Variants in SSBP2 observed in about 807,000 individuals in gnomAD.
SSBP2 encodes single-stranded DNA-binding protein 2.
SSBP2 carries 17 observed loss-of-function variants against 61.8 expected under a neutral mutation model. That is an observed-to-expected ratio of 0.28 (90% CI 0.19 to 0.41). The LOEUF is 0.41. Ranked by LOEUF, SSBP2 falls within the 10% of genes least tolerant of loss-of-function variation. The pLI is 1.00. For missense variants in SSBP2, 310 were observed against 458.7 expected, an observed-to-expected ratio of 0.68 and a Z score of 2.96; for synonymous variants, 139 against 141.3, an observed-to-expected ratio of 0.98 and a Z score of 0.12.
chr5:81,500,986 G>A (rs1767666024), intron 5 of SSBP2, among the ~76,000 whole-genome samples: 1 of 150,574 alleles, frequency 6.6e-6, no homozygotes, highest in Admixed American at 6.6e-5. Flanking sequence ...GGCAAAGGCA[G>A]GGAGATCACC....
rs1561590197 is a variant in SSBP2 at position 81,601,261 on chromosome 5, T to C, written c.282+14212A>G. Among the ~76,000 whole-genome samples the C allele has an allele frequency of 3.3e-5, 5 of 152,294 alleles. No homozygotes were observed. In the South Asian group the frequency reaches 1.0e-3, roughly 32 times the overall value. On this transcript the variant is annotated intron_variant, in intron 4 of 16. Coordinates refer to ENST00000320672, the MANE Select transcript of SSBP2 (RefSeq NM_012446.5). Reference sequence around the variant, plus strand: ...TTTCTACGTGTATCTACATTTATAATGTGAGCTAACACTGTAATAAAAATC... The same window carrying C: ...TTTCTACGTGTATCTACATTTATAACGTGAGCTAACACTGTAATAAAAATC...
chr5:81,563,072 T>C (rs9986216), intron 4 of SSBP2, among the ~76,000 whole-genome samples: 14,696 of 152,194 alleles, frequency 0.097, 824 homozygotes, highest in African/African-American at 0.13. Flanking sequence ...ATAGCCAAAC[T>C]AATTTTGAAA....
chr5:81,495,613 A>T (rs1319956348), intron 5 of SSBP2, among the ~76,000 whole-genome samples: 1 of 152,244 alleles, frequency 6.6e-6, no homozygotes, highest in African/African-American at 2.4e-5. Flanking sequence ...GATATGAAGG[A>T]ACTGTACTTT....
intron 4 of SSBP2, among the ~76,000 whole-genome samples, chr5:81,607,538 C>T (rs1744999793): frequency 6.6e-6 from 1 of 152,154 alleles, no homozygotes; most frequent in Non-Finnish European, 1.5e-5. Flanking sequence ...TAATTCAATA[C>T]ATGCTTGCTA....
chr5:81,414,160 C>T lies in SSBP2; in HGVS notation c.*6344G>A, dbSNP rs1200480650. The T allele has an allele frequency of 6.6e-6, 1 of 151,970 alleles. No individual in the cohort carries two copies. Among genetic ancestry groups the T allele is most frequent in the Non-Finnish European group, 1.5e-5 (1 of 67,958 alleles). 9.4% of individuals were successfully genotyped at this position (151,970 alleles called of 1,614,324 possible). Reference sequence around the variant, plus strand: ...AATGACTGGGATAAGCAAAATGAGTCCAACCTTTATTCTGATAATAGCCAG... The same window carrying T: ...AATGACTGGGATAAGCAAAATGAGTTCAACCTTTATTCTGATAATAGCCAG... On this transcript the variant is annotated 3_prime_UTR_variant, in exon 17 of 17. Coordinates refer to ENST00000320672, the MANE Select transcript of SSBP2 (RefSeq NM_012446.5).
intron 1 of SSBP2, among the ~76,000 whole-genome samples, chr5:81,650,837 T>G (rs1278384548): frequency 1.3e-5 from 2 of 152,178 alleles, no homozygotes; most frequent in African/African-American, 4.8e-5. Flanking sequence ...AACTTCTCCT[T>G]ATTCTTTAGA....
At chr5:81,571,104 GCAAA>G (rs1773806237) in intron 4 of SSBP2, among the ~76,000 whole-genome samples, 1 of 152,146 alleles carries the variant, frequency 6.6e-6, no homozygotes, top group African/African-American at 2.4e-5. Context: ...CTTTTGTGGA[GCAAA>G]CATACAGTTT....
chr5:81,746,536 T>C (rs1163898506), intron 1 of SSBP2, among the ~76,000 whole-genome samples: 1 of 152,172 alleles, frequency 6.6e-6, no homozygotes, highest in Non-Finnish European at 1.5e-5. Context: ...GGGAATGCTT[T>C]AATTACTTTA....
intron 1 of SSBP2, among the ~76,000 whole-genome samples, chr5:81,692,141 GACAA>G (rs1312296740): frequency 6.6e-6 from 1 of 152,156 alleles, no homozygotes; most frequent in Admixed American, 6.5e-5. Context: ...TATTGGAAGT[GACAA>G]ACAAATTTGG....
At chr5:81,422,233 A>G (rs757763374) in intron 16 of SSBP2, among the ~76,000 whole-genome samples, 5 of 152,130 alleles carry the variant, frequency 3.3e-5, no homozygotes, top group East Asian at 1.9e-4. Flanking sequence ...GCAGAAAGAG[A>G]ATAAAATGAA....
intron 1 of SSBP2, among the ~76,000 whole-genome samples, chr5:81,749,816 G>T (rs1757601458): frequency 6.6e-6 from 1 of 152,220 alleles, no homozygotes. Flanking sequence ...TCCCGGGCCG[G>T]GAGGGGCTCT....
At chr5:81,576,274 T>C (rs1057098006) in intron 4 of SSBP2, among the ~76,000 whole-genome samples, 2 of 152,072 alleles carry the variant, frequency 1.3e-5, no homozygotes, top group African/African-American at 2.4e-5. Flanking sequence ...AAATACATTA[T>C]GTTTTCTGGA....
intron 8 of SSBP2, among the ~76,000 whole-genome samples, chr5:81,467,370 A>T (rs2154012207): frequency 6.6e-6 from 1 of 152,198 alleles, no homozygotes; most frequent in African/African-American, 2.4e-5. Context: ...GAAACATATC[A>T]TAAATCCAAA....
chr5:81,751,193 G>T, upstream of SSBP2: 1 of 808,258 alleles, frequency 1.2e-6, no homozygotes, highest in Non-Finnish European at 2.0e-6. Flanking sequence ...CAGGCAACGC[G>T]CGAGACTGAC....
At chr5:81,545,605 T>C (rs868181807) in intron 4 of SSBP2, among the ~76,000 whole-genome samples, 1 of 152,202 alleles carries the variant, frequency 6.6e-6, no homozygotes, top group African/African-American at 2.4e-5. Context: ...AATTCATATA[T>C]ACTTGTTGAT....
At chr5:81,640,786 T>C (rs1208667754) in intron 2 of SSBP2, among the ~76,000 whole-genome samples, 1 of 152,082 alleles carries the variant, frequency 6.6e-6, no homozygotes, top group Non-Finnish European at 1.5e-5. Context: ...AAATTATAAT[T>C]TAGTCAAAAA....
intron 4 of SSBP2, among the ~76,000 whole-genome samples, chr5:81,583,177 A>G (rs749932300): frequency 1.3e-5 from 2 of 152,160 alleles, no homozygotes; most frequent in African/African-American, 2.4e-5. Context: ...TGATCATGCT[A>G]CTGCACTCCA....
chr5:81,674,176 G>A (rs975047991), intron 1 of SSBP2, among the ~76,000 whole-genome samples: 2 of 152,030 alleles, frequency 1.3e-5, no homozygotes, highest in African/African-American at 4.8e-5. Flanking sequence ...AAAACATCAT[G>A]ATTCAGTATT....
chr5:81,687,725 GA>G (rs1752922071), intron 1 of SSBP2, among the ~76,000 whole-genome samples: 1 of 152,174 alleles, frequency 6.6e-6, no homozygotes, highest in Admixed American at 6.5e-5. Context: ...CTAGCTCCCA[GA>G]AGACATTTCT....
Sources: allele counts gnomAD v4.1 joint callset (sites outside exome capture counted in the v4.1 genomes callset), GRCh38; gene constraint gnomAD v4.1.1; transcripts MANE v1.5; gene names NCBI Gene and HGNC (gene_info 2026-07-23, HGNC 2026-07-21).